PCCA: variants seen among roughly 807,000 people sequenced by gnomAD.
The protein encoded by PCCA is propionyl-CoA carboxylase subunit alpha, also known as propionyl-CoA carboxylase alpha chain, mitochondrial.
A neutral mutation model predicts 101.3 loss-of-function variants in PCCA; 74 were observed. That is an observed-to-expected ratio of 0.73 (90% CI 0.61 to 0.89). The LOEUF (loss-of-function observed/expected upper bound fraction) is 0.89. Ranked by LOEUF, PCCA falls within the 40% of genes least tolerant of loss-of-function variation. The pLI is 0.00. For missense variants in PCCA, 891 were observed against 907.0 expected (o/e 0.98, Z 0.23); for synonymous variants, 294 against 313.6 (o/e 0.94, Z 0.66).
chr13:100,456,592 C>T (rs1006234105), intron 21 of PCCA, among the ~76,000 whole-genome samples: 1 of 152,152 alleles, frequency 6.6e-6, no homozygotes, highest in African/African-American at 2.4e-5. Flanking sequence ...AAGTGATTGA[C>T]AAGGTGAAGC....
In PCCA at chr13:100,345,326, G is replaced by A. The variant is rs142570895; in HGVS notation, c.1643+5067G>A. ...GTGCTATTCCAGTGAACACACAAATGATAAGAAAGTGAAACAGCCTTATTG... is the reference window on the plus strand; with the variant it reads ...GTGCTATTCCAGTGAACACACAAATAATAAGAAAGTGAAACAGCCTTATTG... On this transcript the variant is annotated intron_variant, in intron 18 of 23. Transcript: ENST00000376285. 1.2e-3 allele frequency among the ~76,000 whole-genome samples: 183 copies of A among 152,318 alleles called. 1 individual carries two copies. The East Asian group carries it at 0.032, about 27-fold the overall frequency.
At chr13:100,388,896 TA>T (rs2076661300) in intron 19 of PCCA, among the ~76,000 whole-genome samples, 1 of 152,250 alleles carries the variant, frequency 6.6e-6, no homozygotes, top group African/African-American at 2.4e-5. Flanking sequence ...AGCCATCTGT[TA>T]AAATGCCTTG....
At chr13:100,278,447 T>G (rs1014116756) in intron 12 of PCCA, among the ~76,000 whole-genome samples, 1 of 152,074 alleles carries the variant, frequency 6.6e-6, no homozygotes, top group African/African-American at 2.4e-5. Context: ...TGTTCAAGTT[T>G]GTACCATGGT....
intron 21 of PCCA, among the ~76,000 whole-genome samples, chr13:100,500,408 G>A (rs1264803738): frequency 1.4e-4 from 21 of 152,158 alleles, no homozygotes; most frequent in Admixed American, 9.8e-4. Flanking sequence ...ATTAGTTCAT[G>A]TAATAATAAC....
intron 6 of PCCA, among the ~76,000 whole-genome samples, chr13:100,171,504 C>T (rs377171099): frequency 6.6e-6 from 1 of 152,176 alleles, no homozygotes; most frequent in East Asian, 1.9e-4. Flanking sequence ...TCTTTTTTAG[C>T]CTTAGTATAA....
intron 21 of PCCA, among the ~76,000 whole-genome samples, chr13:100,503,871 G>A (rs2085872363): frequency 6.6e-6 from 1 of 152,218 alleles, no homozygotes; most frequent in South Asian, 2.1e-4. Context: ...TCACACTACT[G>A]CACTCCAGCC....
At chr13:100,202,677 A>G (rs977241096) in intron 6 of PCCA, among the ~76,000 whole-genome samples, 1 of 151,228 alleles carries the variant, frequency 6.6e-6, no homozygotes, top group East Asian at 1.9e-4. Flanking sequence ...AAGGATTCCT[A>G]TTATTCATAT....
intron 1 of PCCA, among the ~76,000 whole-genome samples, chr13:100,096,367 T>A (rs551967043): frequency 1.3e-5 from 2 of 152,344 alleles, no homozygotes; most frequent in South Asian, 4.1e-4. Context: ...CCATATAAGT[T>A]GGAGAAACAT....
At position 100,458,418 on chromosome 13, in the gene PCCA, TGCGC is replaced by T. The variant is rs148274121; in HGVS notation, c.1899+9116_1899+9119del. On this transcript the variant is annotated intron_variant, in intron 21 of 23. Transcript: ENST00000376285. ...TATACACACAGTGGGACCCCATCTCTGCGCGCACACACACACACACATACACACA... is the reference window on the plus strand; with the variant it reads ...TATACACACAGTGGGACCCCATCTCTGCACACACACACACACATACACACA... Among the ~76,000 whole-genome samples, 204 of 104,604 alleles carry T rather than the reference TGCGC, an allele frequency of 2.0e-3. 2 individuals carry two copies. Among genetic ancestry groups the T allele is most frequent in the African/African-American group, 8.9e-3 (179 of 20,180 alleles). 68.6% of individuals were successfully genotyped at this position (104,604 alleles called of 152,430 possible). A position where few individuals can be genotyped will look rare whatever the true frequency, so the allele number is the denominator to read the frequency against.
chr13:100,224,805 A>G (rs2152503263), intron 7 of PCCA, among the ~76,000 whole-genome samples: 1 of 152,348 alleles, frequency 6.6e-6, no homozygotes, highest in South Asian at 2.1e-4. Flanking sequence ...GATGATGGAC[A>G]CAGCTCTAAT....
chr13:100,481,009 A>G (rs371298870), intron 21 of PCCA: 65 of 152,338 alleles, frequency 4.3e-4, no homozygotes, highest in African/African-American at 1.5e-3. Context: ...TCAGCTCGGC[A>G]CTTAGCCCAC....
chr13:100,399,821 GT>G (rs2077231283), intron 19 of PCCA, among the ~76,000 whole-genome samples: 1 of 152,182 alleles, frequency 6.6e-6, no homozygotes, highest in Non-Finnish European at 1.5e-5. Context: ...ATGACTGATT[GT>G]TTTTCAGGTA....
At chr13:100,520,734 ATATC>A (rs2087220671) in intron 22 of PCCA, among the ~76,000 whole-genome samples, 1 of 152,014 alleles carries the variant, frequency 6.6e-6, no homozygotes, top group Admixed American at 6.5e-5. Context: ...AGGTAAAAAA[ATATC>A]TATTAGTACT....
chr13:100,243,936 G>A (rs1377668622), intron 8 of PCCA, among the ~76,000 whole-genome samples: 1 of 151,936 alleles, frequency 6.6e-6, no homozygotes, highest in Admixed American at 6.6e-5. Context: ...TACTTAAGAG[G>A]GATAAAAATA....
At chr13:100,348,764 CTTTCTTTCTTT>C (rs2072720655) in intron 18 of PCCA, among the ~76,000 whole-genome samples, 10 of 87,864 alleles carry the variant, frequency 1.1e-4, no homozygotes, top group African/African-American at 4.7e-4. Context: ...TTCTTTCTTT[CTTTCTTTCTTT>C]CTTTCTTTCT....
At chr13:100,155,583 TA>T (rs1223245764) in intron 5 of PCCA, among the ~76,000 whole-genome samples, 8 of 152,232 alleles carry the variant, frequency 5.3e-5, no homozygotes, top group African/African-American at 1.9e-4. Context: ...TTTACAAGGA[TA>T]AATCATTCTC....
chr13:100,422,147 T>C (rs552856662), intron 19 of PCCA, among the ~76,000 whole-genome samples: 90 of 146,036 alleles, frequency 6.2e-4, no homozygotes, highest in African/African-American at 2.1e-3. Flanking sequence ...TTTTTTTTTT[T>C]TTTTTGACAG....
chr13:100,188,144 A>G (rs1018719691), intron 6 of PCCA, among the ~76,000 whole-genome samples: 2 of 152,068 alleles, frequency 1.3e-5, no homozygotes, highest in African/African-American at 4.8e-5. Context: ...AATACAAAAA[A>G]TAGCTGGATG....
chr13:100,141,660 G>T (rs901192193), intron 4 of PCCA, among the ~76,000 whole-genome samples: 2 of 152,190 alleles, frequency 1.3e-5, no homozygotes, highest in African/African-American at 2.4e-5. Flanking sequence ...TGATCTGCCC[G>T]CCTTGGCCTC....
Sources: gnomAD v4.1 joint callset for allele counts (sites outside exome capture counted in the v4.1 genomes callset) on GRCh38, gnomAD v4.1.1 for gene constraint, MANE v1.5 for transcripts, NCBI Gene and HGNC (gene_info 2026-07-23, HGNC 2026-07-21) for gene names.